The following TBC1D19 variants were observed in gnomAD, a reference collection of about 807,000 sequenced individuals.
The protein encoded by TBC1D19 is TBC1 domain family, member 19.
A neutral mutation model predicts 89.0 loss-of-function variants in TBC1D19; 60 were observed. The observed-to-expected ratio is 0.67, with a 90% CI of 0.55 to 0.84. The LOEUF is 0.84. TBC1D19 is among the 40% of genes least tolerant of loss of function. The probability of loss-of-function intolerance (pLI) is 0.00; values close to 1 mark genes in which losing one functional copy is unlikely to be tolerated. For synonymous variants in TBC1D19, 189 were observed against 199.7 expected (o/e 0.95, Z 0.45); for missense variants, 500 against 610.8 (o/e 0.82, Z 1.91).
intron 13 of TBC1D19, among the ~76,000 whole-genome samples, chr4:26,700,518 G>C (rs60915838): frequency 6.6e-6 from 1 of 151,786 alleles, no homozygotes; most frequent in Non-Finnish European, 1.5e-5. Flanking sequence ...AGACTAAACT[G>C]TCTTTATGTA....
intron 1 of TBC1D19, among the ~76,000 whole-genome samples, chr4:26,610,023 A>T (rs1741260663): frequency 6.6e-6 from 1 of 152,152 alleles, no homozygotes; most frequent in African/African-American, 2.4e-5. Flanking sequence ...GAAAAAATAG[A>T]GTAAGGGAGT....
upstream of TBC1D19, among the ~76,000 whole-genome samples, chr4:26,579,542 T>C (rs1250150580): frequency 1.3e-5 from 2 of 151,956 alleles, no homozygotes; most frequent in East Asian, 3.9e-4. Flanking sequence ...GTGCAGAATG[T>C]TCAGGTTTGT....
chr4:26,782,831 G>GA, the TBC1D19 span, among the ~76,000 whole-genome samples: 117 of 141,316 alleles, frequency 8.3e-4, 1 homozygote, highest in Admixed American at 2.1e-3. Context: ...TTTTCCTTGA[G>GA]AAAAAAAAAA....
intron 12 of TBC1D19, among the ~76,000 whole-genome samples, chr4:26,685,500 CAT>C (rs539687920): frequency 5.3e-5 from 8 of 152,236 alleles, no homozygotes; most frequent in Admixed American, 2.6e-4. Flanking sequence ...CATAGTGACA[CAT>C]GTGTGATAAC....
the TBC1D19 span, among the ~76,000 whole-genome samples, chr4:26,770,428 A>G: frequency 2.6e-5 from 4 of 152,142 alleles, no homozygotes; most frequent in African/African-American, 9.7e-5. Context: ...GCAAGGAAAA[A>G]CAGACAAGTC....
At chr4:26,761,662 T>G in the TBC1D19 span, among the ~76,000 whole-genome samples, 1 of 152,218 alleles carries the variant, frequency 6.6e-6, no homozygotes, top group African/African-American at 2.4e-5. Context: ...TTTTGTTTCT[T>G]TCAAATAGGT....
At chr4:26,725,656 G>A (rs551575741) in intron 15 of TBC1D19, among the ~76,000 whole-genome samples, 3 of 151,826 alleles carry the variant, frequency 2.0e-5, no homozygotes, top group East Asian at 1.9e-4. Flanking sequence ...CAAGCAATCC[G>A]CCCACCTCAG....
chr4:26,782,793 T>A, the TBC1D19 span, among the ~76,000 whole-genome samples: 1 of 151,636 alleles, frequency 6.6e-6, no homozygotes, highest in African/African-American at 2.4e-5. Flanking sequence ...GAGCATACTA[T>A]ATATCCCAAA....
chr4:26,801,986 T>C, the TBC1D19 span, among the ~76,000 whole-genome samples: 51 of 152,150 alleles, frequency 3.4e-4, 1 homozygote, highest in African/African-American at 1.2e-3. Flanking sequence ...TATACTGTAT[T>C]GGAAAGACTG....
At chr4:26,838,928 T>C in the TBC1D19 span, among the ~76,000 whole-genome samples, 1 of 152,140 alleles carries the variant, frequency 6.6e-6, no homozygotes, top group Non-Finnish European at 1.5e-5. Flanking sequence ...ATATCAGCCT[T>C]CCAAATTACA....
intron 3 of TBC1D19, among the ~76,000 whole-genome samples, chr4:26,620,352 T>A (rs1741964049): frequency 6.6e-6 from 1 of 152,218 alleles, no homozygotes; most frequent in Non-Finnish European, 1.5e-5. Context: ...TGTATGTGTT[T>A]GTGATTATTG....
At chr4:26,585,401 T>A (rs1033615923) in intron 1 of TBC1D19, among the ~76,000 whole-genome samples, 3 of 152,218 alleles carry the variant, frequency 2.0e-5, no homozygotes, top group Non-Finnish European at 4.4e-5. Flanking sequence ...ATTTCCCTAA[T>A]GACTAATGAT....
chr4:26,595,139 G>A (rs1321280331), intron 1 of TBC1D19, among the ~76,000 whole-genome samples: 2 of 152,188 alleles, frequency 1.3e-5, no homozygotes, highest in African/African-American at 4.8e-5. Flanking sequence ...CCATCTTAAT[G>A]TGTGTTGTGA....
At chr4:26,715,676 C>A (rs1716548889) in intron 13 of TBC1D19, among the ~76,000 whole-genome samples, 1 of 152,088 alleles carries the variant, frequency 6.6e-6, no homozygotes, top group Admixed American at 6.6e-5. Flanking sequence ...TCCCTTGCAT[C>A]CTCTTCATCA....
At chr4:26,823,213 A>G in the TBC1D19 span, among the ~76,000 whole-genome samples, 1 of 152,212 alleles carries the variant, frequency 6.6e-6, no homozygotes, top group Non-Finnish European at 1.5e-5. Context: ...TAAAATCATC[A>G]GATCTCGTGA....
chr4:26,851,353 C>CTATT, the TBC1D19 span, among the ~76,000 whole-genome samples: 2 of 150,682 alleles, frequency 1.3e-5, no homozygotes, highest in South Asian at 4.2e-4. Context: ...ATCTATCTAT[C>CTATT]TATCTATCAT....
At chr4:26,678,355 C>A (rs1303379391) in intron 11 of TBC1D19, among the ~76,000 whole-genome samples, 1 of 152,080 alleles carries the variant, frequency 6.6e-6, no homozygotes, top group African/African-American at 2.4e-5. Context: ...GGTTTGTTTG[C>A]CAAAGTTAAG....
At chr4:26,767,051 T>A in the TBC1D19 span, among the ~76,000 whole-genome samples, 1 of 152,038 alleles carries the variant, frequency 6.6e-6, no homozygotes, top group East Asian at 1.9e-4. Context: ...ACATCTGTAA[T>A]CCTAACACTT....
At chr4:26,624,615 G>A (rs1257975886) in intron 4 of TBC1D19, among the ~76,000 whole-genome samples, 2 of 152,066 alleles carry the variant, frequency 1.3e-5, no homozygotes, top group African/African-American at 4.8e-5. Context: ...CTAGTACACT[G>A]GCCTTTATGT....
Sources: gnomAD v4.1 joint callset for allele counts (sites outside exome capture counted in the v4.1 genomes callset) on GRCh38, gnomAD v4.1.1 for gene constraint, MANE v1.5 for transcripts, NCBI Gene and HGNC (gene_info 2026-07-23, HGNC 2026-07-21) for gene names.